Variants in SH3GL2 observed in about 807,000 individuals in gnomAD.
The protein encoded by SH3GL2 is endophilin-A1.
In SH3GL2, 24 loss-of-function variants were observed where a neutral mutation model predicts 46.0. The ratio of observed to expected loss-of-function variants is 0.52; its 90% confidence interval spans 0.38 to 0.73. The LOEUF is 0.73. Ranked by LOEUF, SH3GL2 falls within the 30% of genes least tolerant of loss-of-function variation. The probability of loss-of-function intolerance (pLI) is 0.00; values close to 1 mark genes in which losing one functional copy is unlikely to be tolerated. For synonymous variants in SH3GL2, 196 were observed against 147.1 expected (o/e 1.33, Z -2.40); for missense variants, 413 against 424.2 (o/e 0.97, Z 0.23).
chr9:17,610,490 G>C (rs745753546), intron 1 of SH3GL2, among the ~76,000 whole-genome samples: 1 of 152,188 alleles, frequency 6.6e-6, no homozygotes, highest in Non-Finnish European at 1.5e-5. Flanking sequence ...GGTTTAAGTT[G>C]TTGATACATA....
At chr9:17,737,917 G>A (rs983658036) in intron 1 of SH3GL2, among the ~76,000 whole-genome samples, 2 of 152,034 alleles carry the variant, frequency 1.3e-5, no homozygotes, top group African/African-American at 4.8e-5. Context: ...TCCCATGTCT[G>A]TTCATCTGGC....
intron 1 of SH3GL2, among the ~76,000 whole-genome samples, chr9:17,664,637 C>T (rs1229220906): frequency 6.6e-6 from 1 of 151,622 alleles, no homozygotes; most frequent in Non-Finnish European, 1.5e-5. Flanking sequence ...ACAAAATGTA[C>T]TTCTGAACTT....
intron 1 of SH3GL2, among the ~76,000 whole-genome samples, chr9:17,584,791 A>G (rs182306576): frequency 1.8e-4 from 28 of 152,320 alleles, no homozygotes; most frequent in Admixed American, 5.2e-4. Context: ...TGTGGGGTAT[A>G]TGAAAAGAAA....
At chr9:17,718,470 T>G (rs1437081605) in intron 1 of SH3GL2, among the ~76,000 whole-genome samples, 1 of 152,116 alleles carries the variant, frequency 6.6e-6, no homozygotes, top group African/African-American at 2.4e-5. Flanking sequence ...CTCCTGTAAT[T>G]GCCACACTTT....
At chr9:17,598,551 C>T (rs1030281477) in intron 1 of SH3GL2, among the ~76,000 whole-genome samples, 7 of 152,204 alleles carry the variant, frequency 4.6e-5, no homozygotes, top group Admixed American at 1.3e-4. Flanking sequence ...GCCCACCCCC[C>T]GACCTGCCCA....
intron 1 of SH3GL2, among the ~76,000 whole-genome samples, chr9:17,591,754 G>C (rs890383163): frequency 6.6e-6 from 1 of 152,170 alleles, no homozygotes; most frequent in Non-Finnish European, 1.5e-5. Context: ...ATAAAGCCTG[G>C]AACATTGCTA....
intron 1 of SH3GL2, among the ~76,000 whole-genome samples, chr9:17,662,015 G>A (rs145261875): frequency 1.3e-5 from 2 of 152,128 alleles, no homozygotes; most frequent in Non-Finnish European, 2.9e-5. Flanking sequence ...AATATACCCA[G>A]TATAATTTTA....
Position 17,793,407 on chromosome 9 carries a change from C to G in SH3GL2, c.769C>G (p.Pro257Ala). ...ASSQPRREYQ[P>A]KPRMSLEFPT... Reference sequence around the variant, plus strand: ...ATCTCAGCCTAGAAGGGAATATCAACCTAAACCACGAATGAGCCTGGAGTT... The same window carrying G: ...ATCTCAGCCTAGAAGGGAATATCAAGCTAAACCACGAATGAGCCTGGAGTT... Residue 257 changes from proline (P) to alanine (A), a missense_variant, in exon 8 of 9, where the codon CCT (proline) becomes GCT (alanine). Physicochemically the swap from Pro to Ala is conservative, Grantham distance 27. This residue lies in a region of SH3GL2 where 248 missense variants were observed against 215.0 expected (regional missense o/e 1.15). Coordinates refer to ENST00000380607, the MANE Select transcript of SH3GL2 (RefSeq NM_003026.5). The G allele has an allele frequency of 6.2e-7, 1 of 1,612,848 alleles. No individual in the cohort carries two copies.
intron 1 of SH3GL2, among the ~76,000 whole-genome samples, chr9:17,721,897 G>T (rs1019106570): frequency 5.9e-5 from 9 of 152,042 alleles, no homozygotes; most frequent in African/African-American, 1.9e-4. Flanking sequence ...CCACTAATAG[G>T]AAAATTAGGA....
intron 2 of SH3GL2, among the ~76,000 whole-genome samples, chr9:17,755,582 A>G (rs532762451): frequency 6.6e-6 from 1 of 152,326 alleles, no homozygotes; most frequent in African/African-American, 2.4e-5. Context: ...GGTAACAGAC[A>G]TGGGCCACCA....
intron 1 of SH3GL2, among the ~76,000 whole-genome samples, chr9:17,722,052 A>G (rs965757600): frequency 1.3e-5 from 2 of 152,054 alleles, no homozygotes; most frequent in African/African-American, 4.8e-5. Context: ...CTACGTTGCT[A>G]TATCCACTTG....
At chr9:17,753,944 C>T (rs1822918606) in intron 2 of SH3GL2, among the ~76,000 whole-genome samples, 1 of 152,082 alleles carries the variant, frequency 6.6e-6, no homozygotes, top group South Asian at 2.1e-4. Context: ...AATCTTTTCC[C>T]CATTGTTTGA....
chr9:17,729,413 T>G (rs1408021460), intron 1 of SH3GL2, among the ~76,000 whole-genome samples: 3 of 152,188 alleles, frequency 2.0e-5, no homozygotes, highest in Non-Finnish European at 4.4e-5. Flanking sequence ...TTCCGTAGGT[T>G]GCCTGTTCAT....
chr9:17,623,933 T>C (rs556609564), intron 1 of SH3GL2, among the ~76,000 whole-genome samples: 2 of 152,244 alleles, frequency 1.3e-5, no homozygotes, highest in Non-Finnish European at 2.9e-5. Context: ...ATATTCCAAT[T>C]AACAAGTTAA....
At chr9:17,794,281 T>G (rs1299483826) in intron 8 of SH3GL2, among the ~76,000 whole-genome samples, 1 of 152,206 alleles carries the variant, frequency 6.6e-6, no homozygotes, top group Non-Finnish European at 1.5e-5. Context: ...TGGATGTGGA[T>G]GTTAGAGATA....
At position 17,579,368 on chromosome 9, in the gene SH3GL2, C is replaced by T. The variant is rs1040907308; in HGVS notation, c.45+81C>T. 17 of 987,572 alleles carry T rather than the reference C, an allele frequency of 1.7e-5. No individual in the cohort carries two copies. The African/African-American group carries it at 2.6e-4, about 15-fold the overall frequency. 61.2% of individuals were successfully genotyped at this position (987,572 alleles called of 1,614,324 possible). A position where few individuals can be genotyped will look rare whatever the true frequency, so the allele number is the denominator to read the frequency against. On this transcript the variant is annotated intron_variant, in intron 1 of 8. Coordinates refer to ENST00000380607, the MANE Select transcript of SH3GL2 (RefSeq NM_003026.5). ...GCGCTCGGCGCTGGCCGTCCGGCGGCAGCTTGGGGAGTTCGGCACCGAGCC... is the reference window on the plus strand; with the variant it reads ...GCGCTCGGCGCTGGCCGTCCGGCGGTAGCTTGGGGAGTTCGGCACCGAGCC...
intron 2 of SH3GL2, among the ~76,000 whole-genome samples, chr9:17,748,939 A>G (rs1380017987): frequency 1.4e-4 from 21 of 152,218 alleles, no homozygotes; most frequent in Admixed American, 2.0e-4. Context: ...AAAAAAAAAG[A>G]TAAGTTGCCA....
chr9:17,654,049 CCT>C (rs754025416), intron 1 of SH3GL2, among the ~76,000 whole-genome samples: 1 of 152,174 alleles, frequency 6.6e-6, no homozygotes, highest in Non-Finnish European at 1.5e-5. Context: ...ACTTTACCCC[CCT>C]CTCTCATTAG....
At chr9:17,709,094 A>G (rs1362411474) in intron 1 of SH3GL2, among the ~76,000 whole-genome samples, 1 of 151,954 alleles carries the variant, frequency 6.6e-6, no homozygotes, top group Non-Finnish European at 1.5e-5. Flanking sequence ...TTTTGTTTCT[A>G]ATGTGGGTAA....
Sources: gnomAD v4.1 joint callset for allele counts (sites outside exome capture counted in the v4.1 genomes callset) on GRCh38, gnomAD v4.1.1 for gene constraint, gnomAD v4.1.1 regional missense constraint, MANE v1.5 for transcripts, NCBI Gene and HGNC (gene_info 2026-07-23, HGNC 2026-07-21) for gene names.